Variants in MYPN observed in about 807,000 individuals in gnomAD.
The protein encoded by MYPN is myopalladin.
MYPN carries 63 observed loss-of-function variants against 129.4 expected under a neutral mutation model. The ratio of observed to expected loss-of-function variants is 0.49; its 90% CI spans 0.40 to 0.60. The LOEUF (loss-of-function observed/expected upper bound fraction) is 0.60, where lower values mean the gene tolerates loss of function less well. Among genes scored for constraint, MYPN ranks in the 20% least tolerant of loss-of-function variants. The pLI, the probability that MYPN is intolerant of heterozygous loss-of-function variation, is 0.00. For synonymous variants in MYPN, 629 were observed against 600.9 expected (o/e 1.05, Z -0.68); for missense variants, 1,596 against 1,635.4 (o/e 0.98, Z 0.42).
chr10:68,093,160 G>T (rs2041938642), intron 1 of MYPN, among the ~76,000 whole-genome samples: 1 of 152,088 alleles, frequency 6.6e-6, no homozygotes, highest in Non-Finnish European at 1.5e-5. Flanking sequence ...TTTTAGGCGT[G>T]AGCCACCAGG....
chr10:68,160,497 A>G (rs1279009597), intron 7 of MYPN, among the ~76,000 whole-genome samples: 1 of 151,468 alleles, frequency 6.6e-6, no homozygotes, highest in Non-Finnish European at 1.5e-5. Context: ...CTACCAGTGT[A>G]GAAGATTAAA....
At chr10:68,197,302 T>A in intron 15 of MYPN, 50 bp from the exon 16 acceptor site, 1 of 1,603,838 alleles carries the variant, frequency 6.2e-7, no homozygotes, top group Non-Finnish European at 8.5e-7. Context: ...TTATCATAAG[T>A]TTGTAAATTT....
In MYPN at chr10:68,210,475, G is replaced by C. The variant is rs779170579; in HGVS notation, c.*20G>C. On this transcript the variant is annotated 3_prime_UTR_variant, in exon 20 of 20. Coordinates refer to ENST00000358913, the MANE Select transcript of MYPN (RefSeq NM_032578.4). ...CTTTAAGAATGTCTAGGTACCTGCT[G>C]TGTAAGAGAGCGGACTGTGGAGGGG... 2.5e-6 allele frequency: 4 copies of C among 1,613,676 alleles called. No individual in the cohort carries two copies. Among genetic ancestry groups the C allele is most frequent in the Non-Finnish European group, 3.4e-6 (4 of 1,179,898 alleles).
At chr10:68,091,798 G>A (rs2041932459) in intron 1 of MYPN, among the ~76,000 whole-genome samples, 1 of 148,722 alleles carries the variant, frequency 6.7e-6, no homozygotes. Flanking sequence ...TTACTATTTT[G>A]TCCTCTTTAT....
intron 12 of MYPN, 35 bp from the exon 13 acceptor site, chr10:68,188,870 A>T (rs1248026661): frequency 1.3e-6 from 2 of 1,569,844 alleles, no homozygotes; most frequent in Non-Finnish European, 1.7e-6. Context: ...CTTCCTTGCC[A>T]TATGGAAATT....
At chr10:68,163,454 G>A (rs1051488357) in intron 8 of MYPN, among the ~76,000 whole-genome samples, 2 of 151,242 alleles carry the variant, frequency 1.3e-5, no homozygotes, top group African/African-American at 2.4e-5. Context: ...GTGAAACCCC[G>A]TCTCTACTAA....
At chr10:68,205,477 G>A (rs1214553332) in intron 18 of MYPN, among the ~76,000 whole-genome samples, 1 of 149,986 alleles carries the variant, frequency 6.7e-6, no homozygotes, top group Non-Finnish European at 1.5e-5. Context: ...TCAGGAGTTC[G>A]AGACCAGCCT....
At chr10:68,124,733 T>G (rs2042300369) in intron 2 of MYPN, among the ~76,000 whole-genome samples, 1 of 152,092 alleles carries the variant, frequency 6.6e-6, no homozygotes, top group Non-Finnish European at 1.5e-5. Flanking sequence ...AGCTAGTGGA[T>G]AAAGAAACAG....
chr10:68,154,586 A>G (rs2042836139), intron 6 of MYPN, among the ~76,000 whole-genome samples: 1 of 152,214 alleles, frequency 6.6e-6, no homozygotes, highest in Non-Finnish European at 1.5e-5. Flanking sequence ...TTTCAATCAG[A>G]CAGTTCTTTA....
At chr10:68,161,656 A>G in intron 7 of MYPN, 73 bp from the exon 8 acceptor site, 1 of 1,204,318 alleles carries the variant, frequency 8.3e-7, no homozygotes, top group Non-Finnish European at 1.2e-6. Context: ...GAAATTCTAT[A>G]GGAAGCTTCT....
rs2134338176 is a variant in MYPN at position 68,206,791 on chromosome 10, G to T, written c.3681G>T (p.Gly1227=). 1 of 1,614,144 alleles carries T rather than the reference G, an allele frequency of 6.2e-7. No homozygotes were observed. Among genetic ancestry groups the T allele is most frequent in the African/African-American group, 1.3e-5 (1 of 75,032 alleles). Residue 1227 remains glycine (G), a synonymous_variant, in exon 19 of 20, where the codon GGG becomes GGT. Coordinates refer to ENST00000358913, the MANE Select transcript of MYPN (RefSeq NM_032578.4). Reference sequence around the variant, plus strand: ...CCAGTATGCACCAGGACACAACAGGGTATGCCTGCCTTCTCATTCAGCCAG... The same window carrying T: ...CCAGTATGCACCAGGACACAACAGGTTATGCCTGCCTTCTCATTCAGCCAG... The part of the protein sequence containing the change: ...ERISMHQDTT[G]YACLLIQPAK...
chr10:68,143,127 T>C lies in MYPN; in HGVS notation c.1078+12T>C. ...GATTTATATAGAAGGTAAAACAAAATGCTCTTGGAGTATGACACTTAATAG... is the reference window on the plus strand; with the variant it reads ...GATTTATATAGAAGGTAAAACAAAACGCTCTTGGAGTATGACACTTAATAG... On this transcript the variant is annotated intron_variant, in intron 3 of 19. Coordinates refer to ENST00000358913, the MANE Select transcript of MYPN (RefSeq NM_032578.4). The C allele has an allele frequency of 6.2e-7, 1 of 1,612,858 alleles. No homozygotes were observed. Among genetic ancestry groups the C allele is most frequent in the Non-Finnish European group, 8.5e-7 (1 of 1,179,136 alleles).
intron 2 of MYPN, among the ~76,000 whole-genome samples, chr10:68,127,319 CTTTTTTT>C (rs71470508): frequency 4.0e-4 from 29 of 72,576 alleles, no homozygotes; most frequent in East Asian, 6.0e-4. Context: ...ACACATATAT[CTTTTTTT>C]TTTTTTTTTT....
intron 9 of MYPN, 103 bp from the exon 10 acceptor site, chr10:68,166,191 C>A: frequency 7.5e-7 from 1 of 1,338,328 alleles, no homozygotes; most frequent in Non-Finnish European, 1.1e-6. Context: ...AAGCATTTTC[C>A]CATTCATACA....
chr10:68,183,540 A>G (rs2043373294), intron 12 of MYPN, among the ~76,000 whole-genome samples: 1 of 152,244 alleles, frequency 6.6e-6, no homozygotes, highest in Admixed American at 6.5e-5. Context: ...TAATAACTCT[A>G]ACAGTGTAGT....
intron 6 of MYPN, among the ~76,000 whole-genome samples, chr10:68,154,093 G>T (rs1327460081): frequency 1.3e-5 from 2 of 152,136 alleles, no homozygotes. Flanking sequence ...TCCAAAACTA[G>T]TTCACTACTC....
intron 13 of MYPN, among the ~76,000 whole-genome samples, chr10:68,190,204 T>A (rs1589603811): frequency 6.6e-6 from 1 of 151,214 alleles, no homozygotes; most frequent in African/African-American, 2.4e-5. Context: ...TGTGTGTGTG[T>A]GAGACAAAGT....
At chr10:68,093,260 T>A (rs1366814071) in intron 1 of MYPN, among the ~76,000 whole-genome samples, 3 of 152,070 alleles carry the variant, frequency 2.0e-5, no homozygotes, top group Non-Finnish European at 4.4e-5. Context: ...TTGACCTTGG[T>A]AAGTTTCATT....
At position 68,174,497 on chromosome 10, in the gene MYPN, C is replaced by G; in HGVS notation, c.2405C>G (p.Pro802Arg). Residue 802 changes from proline to arginine, a missense_variant, in exon 11 of 20, where the codon CCC becomes CGC. Coordinates refer to ENST00000358913, the MANE Select transcript of MYPN (RefSeq NM_032578.4). ...CCACCACCATTCACATTTTCCATCC[C>G]CAGCGGAAACCAGTTTCAGCCCCGC... ...PTPPPFTFSI[P>R]SGNQFQPRCV... is the part of the protein sequence containing the mutation. 1 of 1,614,028 alleles carries G rather than the reference C, an allele frequency of 6.2e-7. No homozygotes were observed. Among genetic ancestry groups the G allele is most frequent in the Non-Finnish European group, 8.5e-7 (1 of 1,179,946 alleles).
Sources: allele counts gnomAD v4.1 joint callset (sites outside exome capture counted in the v4.1 genomes callset), GRCh38; gene constraint gnomAD v4.1.1; transcripts MANE v1.5; gene names NCBI Gene and HGNC (gene_info 2026-07-23, HGNC 2026-07-21).